The following UBR1 variants were observed in gnomAD, a reference collection of about 807,000 sequenced individuals.
UBR1 encodes the protein E3 ubiquitin-protein ligase UBR1.
Under a neutral mutation model 242.1 loss-of-function variants are expected in UBR1, and 102 were observed. That is an observed-to-expected ratio of 0.42 (90% CI 0.36 to 0.50). UBR1 has a LOEUF of 0.50. Among genes scored for constraint, UBR1 ranks in the 20% least tolerant of loss-of-function variants. The pLI is 0.01. For synonymous variants in UBR1, 675 were observed against 684.8 expected (o/e 0.99, Z 0.22); for missense variants, 1,772 against 2,101.8 (o/e 0.84, Z 3.07).
chr15:42,970,694 AC>A (rs1431636922), intron 39 of UBR1, 87 bp from the exon 40 acceptor site: 3 of 1,248,642 alleles, frequency 2.4e-6, no homozygotes, highest in Admixed American at 1.8e-5. Context: ...AAGACAATAA[AC>A]AACGTAGATT....
intron 6 of UBR1, among the ~76,000 whole-genome samples, chr15:43,064,299 C>T (rs1315251722): frequency 2.6e-5 from 4 of 152,138 alleles, no homozygotes; most frequent in Admixed American, 6.5e-5. Context: ...TAAGAAATTA[C>T]AGTTTTTTAA....
intron 26 of UBR1, among the ~76,000 whole-genome samples, chr15:43,022,457 G>A (rs190167634): frequency 6.0e-5 from 9 of 151,088 alleles, no homozygotes; most frequent in Admixed American, 2.0e-4. Flanking sequence ...AAAGTGGGGC[G>A]ATCATGTAGT....
chr15:43,054,503 C>T (rs906242619), intron 12 of UBR1, among the ~76,000 whole-genome samples: 3 of 152,100 alleles, frequency 2.0e-5, no homozygotes, highest in Non-Finnish European at 4.4e-5. Flanking sequence ...CCAGGAGATC[C>T]CAAGTTCCTG....
chr15:42,968,720 G>T (rs776080091), intron 40 of UBR1, among the ~76,000 whole-genome samples: 1 of 151,882 alleles, frequency 6.6e-6, no homozygotes, highest in Non-Finnish European at 1.5e-5. Context: ...CCCTCCCTGT[G>T]CCCATATGTT....
At chr15:43,099,784 T>C (rs2034205577) in intron 1 of UBR1, among the ~76,000 whole-genome samples, 1 of 151,972 alleles carries the variant, frequency 6.6e-6, no homozygotes, top group Non-Finnish European at 1.5e-5. Context: ...AGACACATAG[T>C]AAACAGGTAA....
At chr15:42,976,484 C>T (rs1427173962) in intron 39 of UBR1, among the ~76,000 whole-genome samples, 2 of 152,092 alleles carry the variant, frequency 1.3e-5, no homozygotes, top group Non-Finnish European at 2.9e-5. Context: ...CAAGTGGTCT[C>T]CCTGCATATC....
intron 2 of UBR1, among the ~76,000 whole-genome samples, chr15:43,085,283 TAC>T (rs919053208): frequency 6.6e-6 from 1 of 152,264 alleles, no homozygotes; most frequent in African/African-American, 2.4e-5. Flanking sequence ...TGTGTTTGAT[TAC>T]AGTGTCCCGC....
Position 43,016,363 on chromosome 15 carries a change from AAAT to A in UBR1, c.3028-497_3028-495del, listed in dbSNP as rs141349849. 9.7e-3 allele frequency among the ~76,000 whole-genome samples: 1,479 copies of A among 152,300 alleles called. 25 individuals are homozygous for A. Among genetic ancestry groups the A allele is most frequent in the African/African-American group, 0.034 (1,418 of 41,550 alleles). On this transcript the variant is annotated intron_variant, in intron 28 of 46. Coordinates refer to ENST00000290650, the MANE Select transcript of UBR1 (RefSeq NM_174916.3). ...GTTTTACTGAACATGTAATAACCAC[AAAT>A]AATATTATTCTAATAATACAAATTT...
intron 33 of UBR1, among the ~76,000 whole-genome samples, chr15:42,992,522 A>G (rs2141278307): frequency 6.6e-6 from 1 of 152,246 alleles, no homozygotes; most frequent in South Asian, 2.1e-4. Flanking sequence ...TGGTGTTTTG[A>G]TCTGCCCAGC....
At chr15:43,081,852 A>T (rs1244467931) in intron 3 of UBR1, among the ~76,000 whole-genome samples, 2 of 152,050 alleles carry the variant, frequency 1.3e-5, no homozygotes, top group East Asian at 3.8e-4. Flanking sequence ...TCCTACATAT[A>T]AAAAAATTAT....
In UBR1 at chr15:43,054,844, A is replaced by G; in HGVS notation, c.1337T>C (p.Leu446Pro). 6.2e-7 allele frequency: 1 copy of G among 1,614,186 alleles called. No homozygotes were observed. The highest frequency in any genetic ancestry group is 8.5e-7 in the Non-Finnish European group (1 of 1,180,020). Residue 446 changes from leucine to proline, a missense_variant, in exon 12 of 47, where the codon CTA becomes CCA. Coordinates refer to ENST00000290650, the MANE Select transcript of UBR1 (RefSeq NM_174916.3). Reference sequence around the variant, plus strand: ...GTCCAAGTACTCAGGTAAAACTTCTAGCAGAGTTTCAGTAATGACAGAGAT... The same window carrying G: ...GTCCAAGTACTCAGGTAAAACTTCTGGCAGAGTTTCAGTAATGACAGAGAT... ...NVISVITETL[L>P]EVLPEYLDRN...
chr15:43,035,553 A>G lies in UBR1; in HGVS notation c.2190+625T>C, dbSNP rs1596111880. Among the ~76,000 whole-genome samples, 3 of 149,446 alleles carry G rather than the reference A, an allele frequency of 2.0e-5. No homozygotes were observed. In the East Asian group the frequency reaches 5.9e-4, roughly 29 times the overall value. On this transcript the variant is annotated intron_variant, in intron 19 of 46. Coordinates refer to ENST00000290650, the MANE Select transcript of UBR1 (RefSeq NM_174916.3). ...CCCTTTGTCAGATGAGTAGGTTGCG[A>G]AAATTTTCTCCCATTTTGTAGGTTG...
At position 43,082,711 on chromosome 15, in the gene UBR1, CA is replaced by C; in HGVS notation, c.343del (p.Cys115ValfsTer50). The C allele has an allele frequency of 6.2e-7, 1 of 1,613,622 alleles. No homozygotes were observed. The highest frequency in any genetic ancestry group is 1.1e-5 in the South Asian group (1 of 91,076). On this transcript the variant is annotated frameshift_variant, in exon 3 of 47. Coordinates refer to ENST00000290650, the MANE Select transcript of UBR1 (RefSeq NM_174916.3). LOFTEE classifies it high-confidence loss of function. ...SGETTYSCRD[C>X]AIDPTCVLCM... The stretch of plus-strand genomic sequence containing the variant: ...GAGTACACATGTTGGATCAATTGCA[CA>C]ATCCCTGAAAAAGATCAGAAATCAG...
Position 42,960,644 on chromosome 15 carries a change from C to T in UBR1, c.4757+1G>A, listed in dbSNP as rs776967833. The T allele has an allele frequency of 3.1e-6, 5 of 1,613,992 alleles. No individual in the cohort carries two copies. Among genetic ancestry groups the T allele is most frequent in the Non-Finnish European group, 3.4e-6 (4 of 1,179,912 alleles). On this transcript the variant is annotated splice_donor_variant, in intron 43 of 46. Transcript: ENST00000290650. LOFTEE classifies it high-confidence loss of function. ...AGAAAGGATTAAGTAGTAAAACCAA[C>T]CTGACCACGGTGTTTTTTTGCTTCA...
chr15:43,062,217 A>T (rs532760227), intron 6 of UBR1, among the ~76,000 whole-genome samples: 1 of 152,194 alleles, frequency 6.6e-6, no homozygotes, highest in Non-Finnish European at 1.5e-5. Context: ...TATCCACAAT[A>T]GCAGAAGGTG....
intron 28 of UBR1, among the ~76,000 whole-genome samples, chr15:43,016,434 CA>C (rs1430432344): frequency 2.6e-5 from 4 of 152,106 alleles, no homozygotes; most frequent in Non-Finnish European, 4.4e-5. Flanking sequence ...AGCAATAACA[CA>C]AATATTATTG....
intron 46 of UBR1, among the ~76,000 whole-genome samples, chr15:42,949,850 CT>C (rs774175273): frequency 0.1 from 14,648 of 141,108 alleles, 858 homozygotes; most frequent in Middle Eastern, 0.18. Context: ...CTCTCAATTA[CT>C]TTTTTTTTTT....
intron 14 of UBR1, 23 bp from the exon 15 acceptor site, chr15:43,043,418 A>G (rs764165438): frequency 3.3e-5 from 53 of 1,612,480 alleles, no homozygotes; most frequent in Non-Finnish European, 4.4e-5. Flanking sequence ...TAAGATACAA[A>G]AAGTTGACAA....
chr15:43,055,434 C>T (rs2033605422), intron 11 of UBR1, among the ~76,000 whole-genome samples: 1 of 151,238 alleles, frequency 6.6e-6, no homozygotes, highest in Admixed American at 6.6e-5. Flanking sequence ...CAGAGAGAGA[C>T]TTCATCTCAA....
Sources: allele counts gnomAD v4.1 joint callset (sites outside exome capture counted in the v4.1 genomes callset), GRCh38; gene constraint gnomAD v4.1.1; transcripts MANE v1.5; gene names NCBI Gene and HGNC (gene_info 2026-07-23, HGNC 2026-07-21).